GRID2: variants seen among roughly 807,000 people sequenced by gnomAD.
The protein encoded by GRID2 is glutamate receptor ionotropic, delta-2.
Under a neutral mutation model 114.8 loss-of-function variants are expected in GRID2, and 33 were observed. The observed-to-expected ratio is 0.29, with a 90% CI of 0.22 to 0.38. GRID2 has a LOEUF of 0.38. Ranked by LOEUF, GRID2 falls within the 10% of genes least tolerant of loss-of-function variation. GRID2 has a pLI of 1.00. For synonymous variants in GRID2, 505 were observed against 449.9 expected (o/e 1.12, Z -1.55); for missense variants, 1,184 against 1,257.7 (o/e 0.94, Z 0.89).
intron 8 of GRID2, among the ~76,000 whole-genome samples, chr4:93,323,274 G>T (rs1245439971): frequency 6.6e-6 from 1 of 152,166 alleles, no homozygotes; most frequent in Non-Finnish European, 1.5e-5. Flanking sequence ...TGGCTAGCCA[G>T]TTTTCCCAGC....
At chr4:93,565,920 C>T (rs1735365501) in intron 13 of GRID2, among the ~76,000 whole-genome samples, 1 of 152,068 alleles carries the variant, frequency 6.6e-6, no homozygotes, top group Admixed American at 6.6e-5. Context: ...AATTTAGAGG[C>T]ACTATATTAG....
At chr4:92,520,668 A>C (rs1168914351) in intron 1 of GRID2, among the ~76,000 whole-genome samples, 1 of 151,936 alleles carries the variant, frequency 6.6e-6, no homozygotes, top group Non-Finnish European at 1.5e-5. Flanking sequence ...GGGGAGTGCT[A>C]TTCCAATTCC....
At chr4:93,708,836 T>C (rs1159076545) in intron 14 of GRID2, among the ~76,000 whole-genome samples, 3 of 152,042 alleles carry the variant, frequency 2.0e-5, no homozygotes, top group Admixed American at 2.0e-4. Context: ...TTTTAATTTC[T>C]TGCTTTTTAT....
intron 12 of GRID2, among the ~76,000 whole-genome samples, chr4:93,507,395 C>T (rs561426195): frequency 1.3e-3 from 195 of 152,292 alleles, no homozygotes; most frequent in African/African-American, 4.6e-3. Flanking sequence ...TCCATTTGTC[C>T]ATACATAGAG....
chr4:93,626,265 A>G lies in GRID2; in HGVS notation c.2194-4A>G. On this transcript the variant is annotated splice_region_variant and splice_polypyrimidine_tract_variant and intron_variant, in intron 13 of 15. Transcript: ENST00000282020. ...TTCTTCTTTTGTTCTTCATTTTTTC[A>G]CAGGTAAAATATGGAAATTATGCTT... 1 of 1,558,994 alleles carries G rather than the reference A, an allele frequency of 6.4e-7. No individual in the cohort carries two copies. Among genetic ancestry groups the G allele is most frequent in the Non-Finnish European group, 8.8e-7 (1 of 1,140,068 alleles).
At chr4:93,230,174 G>A (rs890684992) in intron 7 of GRID2, among the ~76,000 whole-genome samples, 2 of 151,112 alleles carry the variant, frequency 1.3e-5, no homozygotes, top group Non-Finnish European at 3.0e-5. Flanking sequence ...GTGTGTGCAT[G>A]CTATCATAAA....
chr4:93,537,262 G>A lies in GRID2; in HGVS notation c.2193+21851G>A, dbSNP rs577795305. 6.6e-5 allele frequency among the ~76,000 whole-genome samples: 10 copies of A among 151,624 alleles called. 1 individual carries two copies. Among genetic ancestry groups the A allele is most frequent in the South Asian group, 6.2e-4 (3 of 4,818 alleles). On this transcript the variant is annotated intron_variant, in intron 13 of 15. Coordinates refer to ENST00000282020, the MANE Select transcript of GRID2 (RefSeq NM_001510.4). Reference sequence around the variant, plus strand: ...TTTTCACCCCATCAAGTAGTCTCTCGATTTATTATTTTATGCCTTCTTTTA... The same window carrying A: ...TTTTCACCCCATCAAGTAGTCTCTCAATTTATTATTTTATGCCTTCTTTTA...
intron 13 of GRID2, among the ~76,000 whole-genome samples, chr4:93,584,015 T>G (rs1339016697): frequency 6.6e-6 from 1 of 152,138 alleles, no homozygotes; most frequent in Non-Finnish European, 1.5e-5. Flanking sequence ...CTAGAGTCAT[T>G]GAAAAATGAC....
chr4:92,934,341 G>T (rs1051110857), intron 2 of GRID2, among the ~76,000 whole-genome samples: 1 of 151,518 alleles, frequency 6.6e-6, no homozygotes, highest in African/African-American at 2.4e-5. Context: ...GTCTGTTATT[G>T]GTGTATAAGA....
chr4:92,680,337 T>A (rs1046687803), intron 2 of GRID2, among the ~76,000 whole-genome samples: 2 of 152,304 alleles, frequency 1.3e-5, no homozygotes, highest in African/African-American at 4.8e-5. Flanking sequence ...TTAATAAGTG[T>A]ACATTCAGAA....
At chr4:92,688,611 T>G (rs1056498037) in intron 2 of GRID2, among the ~76,000 whole-genome samples, 2 of 152,160 alleles carry the variant, frequency 1.3e-5, no homozygotes, top group Admixed American at 6.6e-5. Flanking sequence ...TGCACCAACC[T>G]ACTCAGTCAC....
intron 2 of GRID2, among the ~76,000 whole-genome samples, chr4:92,922,106 A>G (rs1749400800): frequency 6.6e-6 from 1 of 152,134 alleles, no homozygotes; most frequent in South Asian, 2.1e-4. Context: ...CTGCTGTGCT[A>G]GCAATGAGTG....
intron 4 of GRID2, among the ~76,000 whole-genome samples, chr4:93,121,042 C>T (rs1053292534): frequency 2.0e-5 from 3 of 151,944 alleles, no homozygotes; most frequent in African/African-American, 7.3e-5. Flanking sequence ...ACATATATAC[C>T]TCTGTAACAA....
intron 11 of GRID2, among the ~76,000 whole-genome samples, chr4:93,459,153 C>T (rs577434502): frequency 1.8e-4 from 22 of 124,836 alleles, no homozygotes; most frequent in African/African-American, 5.3e-4. Context: ...GCACTCCAGC[C>T]GGGATGACAA....
At chr4:93,146,763 T>C (rs1054974086) in intron 4 of GRID2, among the ~76,000 whole-genome samples, 1 of 152,198 alleles carries the variant, frequency 6.6e-6, no homozygotes, top group Non-Finnish European at 1.5e-5. Flanking sequence ...TAAAATGTTT[T>C]GTAATGCTTG....
At chr4:92,911,103 T>G (rs1748344012) in intron 2 of GRID2, among the ~76,000 whole-genome samples, 1 of 152,176 alleles carries the variant, frequency 6.6e-6, no homozygotes, top group African/African-American at 2.4e-5. Context: ...GTTTATTTCT[T>G]TTTTCATTAT....
At chr4:93,287,605 C>G (rs1753321569) in intron 8 of GRID2, among the ~76,000 whole-genome samples, 1 of 152,134 alleles carries the variant, frequency 6.6e-6, no homozygotes, top group South Asian at 2.1e-4. Flanking sequence ...AAGAGTTTAA[C>G]TTAATGAAAG....
chr4:92,506,992 C>T (rs1579486030), intron 1 of GRID2, among the ~76,000 whole-genome samples: 1 of 151,888 alleles, frequency 6.6e-6, no homozygotes, highest in Non-Finnish European at 1.5e-5. Context: ...AATACTTTAG[C>T]ATCCCTGCCT....
chr4:93,010,100 A>G (rs1721974088), intron 2 of GRID2, among the ~76,000 whole-genome samples: 1 of 152,034 alleles, frequency 6.6e-6, no homozygotes, highest in Admixed American at 6.6e-5. Context: ...ATTAAGTGCC[A>G]CTTTTGATAT....
Sources: gnomAD v4.1 joint callset for allele counts (sites outside exome capture counted in the v4.1 genomes callset) on GRCh38, gnomAD v4.1.1 for gene constraint, MANE v1.5 for transcripts, NCBI Gene and HGNC (gene_info 2026-07-23, HGNC 2026-07-21) for gene names.